KLF12: variants seen among roughly 807,000 people sequenced by gnomAD.
The protein encoded by KLF12 is KLF transcription factor 12, also known as Krueppel-like factor 12.
In KLF12, 9 loss-of-function variants were observed where a neutral mutation model predicts 37.8. The observed-to-expected ratio is 0.24, with a 90% confidence interval of 0.14 to 0.42. The LOEUF is 0.42. KLF12 is among the 10% of genes least tolerant of loss of function. The pLI, the probability that KLF12 is intolerant of heterozygous loss-of-function variation, is 1.00. For missense variants in KLF12, 411 were observed against 516.0 expected (o/e 0.80, Z 1.97); for synonymous variants, 208 against 202.1 (o/e 1.03, Z -0.25).
At chr13:74,287,543 T>C in the KLF12 span, among the ~76,000 whole-genome samples, 3 of 152,192 alleles carry the variant, frequency 2.0e-5, no homozygotes, top group African/African-American at 4.8e-5. Context: ...TCTGAACATA[T>C]TGGTTTATCT....
At chr13:74,231,391 C>A in the KLF12 span, 23 of 152,204 alleles carry the variant, frequency 1.5e-4, no homozygotes, top group Non-Finnish European at 3.2e-4. Context: ...ACTTTCACAT[C>A]ATTTGATTTG....
At chr13:74,074,316 A>C (rs1274295086) in intron 1 of KLF12, among the ~76,000 whole-genome samples, 1 of 152,244 alleles carries the variant, frequency 6.6e-6, no homozygotes, top group African/African-American at 2.4e-5. Flanking sequence ...AAACTGGTAC[A>C]GGAAGACAGC....
At chr13:74,256,774 G>C in the KLF12 span, among the ~76,000 whole-genome samples, 2 of 151,804 alleles carry the variant, frequency 1.3e-5, no homozygotes, top group Middle Eastern at 3.4e-3. Flanking sequence ...ACTATTTGCA[G>C]ACTCACTGTC....
At chr13:73,716,198 C>T (rs1875791158) in intron 6 of KLF12, among the ~76,000 whole-genome samples, 1 of 152,016 alleles carries the variant, frequency 6.6e-6, no homozygotes, top group Admixed American at 6.6e-5. Context: ...GAAATTTGGC[C>T]CTAACTTGCA....
chr13:73,917,209 A>C (rs1249090086), intron 3 of KLF12, among the ~76,000 whole-genome samples: 1 of 152,222 alleles, frequency 6.6e-6, no homozygotes, highest in East Asian at 1.9e-4. Context: ...AAAAATGATT[A>C]CTTTATAAAT....
intron 3 of KLF12, among the ~76,000 whole-genome samples, chr13:73,880,589 A>T (rs1296925357): frequency 2.6e-5 from 4 of 152,158 alleles, no homozygotes; most frequent in Admixed American, 2.6e-4. Context: ...TTCGCTTCCT[A>T]ATTTGTTGCT....
chr13:74,218,499 A>G, the KLF12 span, among the ~76,000 whole-genome samples: 1 of 152,182 alleles, frequency 6.6e-6, no homozygotes, highest in Admixed American at 6.5e-5. Flanking sequence ...CGCACCCTCC[A>G]GCACCTCCCA....
chr13:73,968,450 T>C (rs940771794), intron 2 of KLF12, among the ~76,000 whole-genome samples: 2 of 152,228 alleles, frequency 1.3e-5, no homozygotes, highest in African/African-American at 4.8e-5. Flanking sequence ...TTCCATATGC[T>C]TCTATTTTAC....
chr13:73,885,210 T>C (rs1321915650), intron 3 of KLF12, among the ~76,000 whole-genome samples: 1 of 152,186 alleles, frequency 6.6e-6, no homozygotes, highest in Non-Finnish European at 1.5e-5. Flanking sequence ...CAGTCTTAAT[T>C]TCTCACCTCT....
In KLF12 at chr13:73,990,035, A is replaced by C. The variant is rs954652051; in HGVS notation, c.33+4955T>G. 3.3e-5 allele frequency among the ~76,000 whole-genome samples: 5 copies of C among 152,206 alleles called. No individual in the cohort carries two copies. The South Asian group carries it at 6.2e-4, about 19-fold the overall frequency. On this transcript the variant is annotated intron_variant, in intron 2 of 7. Transcript: ENST00000377669. ...CGAAAATAAGTCGACATAGCTATGA[A>C]ATATAGCCACCTTGGGAACAAAAAA...
chr13:74,013,347 G>A (rs899569452), intron 1 of KLF12, among the ~76,000 whole-genome samples: 1 of 152,176 alleles, frequency 6.6e-6, no homozygotes, highest in Non-Finnish European at 1.5e-5. Context: ...AGACCGAGGT[G>A]GCTAGCCAGA....
chr13:74,207,461 G>A, the KLF12 span, among the ~76,000 whole-genome samples: 1 of 152,116 alleles, frequency 6.6e-6, no homozygotes, highest in Non-Finnish European at 1.5e-5. Context: ...GGATCACAAG[G>A]TTAGGAGTTC....
At chr13:73,997,475 A>C (rs1892153993) in intron 1 of KLF12, among the ~76,000 whole-genome samples, 1 of 152,244 alleles carries the variant, frequency 6.6e-6, no homozygotes, top group Non-Finnish European at 1.5e-5. Context: ...GAAATAAAAA[A>C]GATTTCTCTA....
intron 1 of KLF12, among the ~76,000 whole-genome samples, chr13:74,118,216 T>C (rs1224881658): frequency 1.3e-5 from 2 of 152,226 alleles, no homozygotes; most frequent in Admixed American, 6.5e-5. Flanking sequence ...GATGGCAAAA[T>C]GTTGAGAATT....
chr13:74,258,369 TC>T, the KLF12 span: 1 of 152,140 alleles, frequency 6.6e-6, no homozygotes, highest in Non-Finnish European at 1.5e-5. Flanking sequence ...CCCCTAAGTC[TC>T]AGTTCCAATA....
At chr13:73,760,145 C>T (rs1250224054) in intron 6 of KLF12, among the ~76,000 whole-genome samples, 1 of 152,028 alleles carries the variant, frequency 6.6e-6, no homozygotes, top group Non-Finnish European at 1.5e-5. Flanking sequence ...GATTCACACC[C>T]GGAATGCATC....
At chr13:73,823,020 C>T (rs1645365770) in intron 4 of KLF12, among the ~76,000 whole-genome samples, 1 of 152,194 alleles carries the variant, frequency 6.6e-6, no homozygotes, top group South Asian at 2.1e-4. Context: ...GTGGTACACA[C>T]ATATGGAGAA....
At chr13:73,955,049 G>A (rs1025626135) in intron 2 of KLF12, among the ~76,000 whole-genome samples, 3 of 151,980 alleles carry the variant, frequency 2.0e-5, no homozygotes, top group African/African-American at 7.3e-5. Flanking sequence ...ACTTTCTTCT[G>A]GTTTCAGTTT....
chr13:73,770,874 T>C (rs755826574), intron 5 of KLF12, among the ~76,000 whole-genome samples: 1 of 152,266 alleles, frequency 6.6e-6, no homozygotes, highest in East Asian at 1.9e-4. Flanking sequence ...TCTAATGTCA[T>C]AGACACTGAA....
Sources: allele counts gnomAD v4.1 joint callset (sites outside exome capture counted in the v4.1 genomes callset), GRCh38; gene constraint gnomAD v4.1.1; transcripts MANE v1.5; gene names NCBI Gene and HGNC (gene_info 2026-07-23, HGNC 2026-07-21).